The following MPDZ variants were observed in gnomAD, a reference collection of about 807,000 sequenced individuals.
The protein encoded by MPDZ is multiple PDZ domain protein.
A neutral mutation model predicts 239.1 loss-of-function variants in MPDZ; 234 were observed. The ratio of observed to expected loss-of-function variants is 0.98; its 90% CI spans 0.88 to 1.09. The LOEUF is 1.09. Ranked by LOEUF, MPDZ falls within the 50% of genes least tolerant of loss-of-function variation. The pLI is 0.00. For synonymous variants in MPDZ, 1,048 were observed against 881.3 expected (o/e 1.19, Z -3.35); for missense variants, 3,175 against 2,510.0 (o/e 1.26, Z -5.66).
Position 13,158,011 on chromosome 9 carries a change from T to G in MPDZ, c.3452+7A>C, listed in dbSNP as rs1009732052. ...TTGGGTGGACAGAAGACAGAAATAG[T>G]CCTTACCGCCTGGGCTGATTCCAAT... On this transcript the variant is annotated splice_region_variant and intron_variant, in intron 24 of 46. Transcript: ENST00000319217. 6.2e-7 allele frequency: 1 copy of G among 1,610,698 alleles called. No homozygotes were observed. The highest frequency in any genetic ancestry group is 8.5e-7 in the Non-Finnish European group (1 of 1,177,762).
In MPDZ at chr9:13,177,357, T is replaced by C. The variant is rs548332111; in HGVS notation, c.2650-940A>G. Among the ~76,000 whole-genome samples the C allele has an allele frequency of 7.2e-5, 11 of 152,284 alleles. No homozygotes were observed. The East Asian group carries it at 2.1e-3, about 29-fold the overall frequency. On this transcript the variant is annotated intron_variant, in intron 19 of 46. Transcript: ENST00000319217. ...AGAATACAATATGAAGAGTTTTCGCTATGGCTTCTACTTCCATTCGCTTCC... is the reference window on the plus strand; with the variant it reads ...AGAATACAATATGAAGAGTTTTCGCCATGGCTTCTACTTCCATTCGCTTCC...
intron 3 of MPDZ, among the ~76,000 whole-genome samples, chr9:13,246,494 A>G (rs1348091647): frequency 6.6e-6 from 1 of 152,236 alleles, no homozygotes; most frequent in Non-Finnish European, 1.5e-5. Context: ...TAAAGGAGAC[A>G]AACACAACTA....
intron 30 of MPDZ, 66 bp from the exon 31 acceptor site, chr9:13,136,248 AG>A: frequency 9.3e-7 from 1 of 1,073,170 alleles, no homozygotes; most frequent in Non-Finnish European, 1.4e-6. Flanking sequence ...TTACTTCAAG[AG>A]TCAGAAGGTT....
intron 1 of MPDZ, among the ~76,000 whole-genome samples, chr9:13,262,670 A>G (rs1225877920): frequency 6.6e-6 from 1 of 152,034 alleles, no homozygotes; most frequent in Non-Finnish European, 1.5e-5. Context: ...GAATGAGAAA[A>G]AAAGGAAAAA....
At chr9:13,143,124 T>G (rs1454843940) in intron 27 of MPDZ, among the ~76,000 whole-genome samples, 1 of 152,100 alleles carries the variant, frequency 6.6e-6, no homozygotes, top group Non-Finnish European at 1.5e-5. Flanking sequence ...CACATGGTTT[T>G]AAAGAAATTA....
chr9:13,107,708 T>C (rs944263250), intron 46 of MPDZ, among the ~76,000 whole-genome samples: 1 of 152,212 alleles, frequency 6.6e-6, no homozygotes, highest in Non-Finnish European at 1.5e-5. Context: ...AGAGAGATTC[T>C]TCATATTCCT....
intron 3 of MPDZ, among the ~76,000 whole-genome samples, chr9:13,242,492 C>G (rs1193345981): frequency 2.0e-5 from 3 of 151,632 alleles, no homozygotes; most frequent in Non-Finnish European, 4.4e-5. Context: ...GCCACTGCAT[C>G]CAGCCTGTTA....
intron 15 of MPDZ, 71 bp downstream of exon 15, chr9:13,192,060 T>C: frequency 7.7e-7 from 1 of 1,296,148 alleles, no homozygotes; most frequent in Non-Finnish European, 1.0e-6. Flanking sequence ...TGAAAAATGC[T>C]TAAAAAATTT....
intron 39 of MPDZ, among the ~76,000 whole-genome samples, chr9:13,117,842 G>C (rs952146536): frequency 6.8e-6 from 1 of 147,260 alleles, no homozygotes; most frequent in African/African-American, 2.5e-5. Context: ...TTTCAGATTA[G>C]CTTTTTTTTT....
At chr9:13,150,739 G>A in intron 24 of MPDZ, 51 bp from the exon 25 acceptor site, 1 of 1,191,240 alleles carries the variant, frequency 8.4e-7, no homozygotes, top group Non-Finnish European at 1.1e-6. Flanking sequence ...TAAGGGTAAA[G>A]CTTCATGATG....
At chr9:13,250,271 A>G (rs1271135236) in intron 2 of MPDZ, 29 bp downstream of exon 2, 10 of 1,586,168 alleles carry the variant, frequency 6.3e-6, no homozygotes, top group Non-Finnish European at 8.6e-6. Context: ...CAATTCTTAT[A>G]AAAGTAGGCA....
At chr9:13,165,937 C>T (rs932819029) in intron 22 of MPDZ, among the ~76,000 whole-genome samples, 1 of 151,956 alleles carries the variant, frequency 6.6e-6, no homozygotes, top group African/African-American at 2.4e-5. Context: ...CATGCATGAA[C>T]ACACACACAC....
chr9:13,225,072 A>G (rs1960112347), intron 3 of MPDZ, among the ~76,000 whole-genome samples: 1 of 152,106 alleles, frequency 6.6e-6, no homozygotes, highest in South Asian at 2.1e-4. Flanking sequence ...CCTATGAAAT[A>G]ACACGCCAAT....
intron 17 of MPDZ, 54 bp downstream of exon 17, chr9:13,188,730 A>G: frequency 6.6e-7 from 1 of 1,525,862 alleles, no homozygotes; most frequent in Non-Finnish European, 9.0e-7. Context: ...AAGTAGACCT[A>G]TGAACCATTT....
At chr9:13,240,580 T>TAAAAAA (rs71331533) in intron 3 of MPDZ, among the ~76,000 whole-genome samples, 20 of 44,012 alleles carry the variant, frequency 4.5e-4, no homozygotes, top group Admixed American at 7.0e-4. Flanking sequence ...ATAATAAAAG[T>TAAAAAA]AAAAAAAAAA....
At chr9:13,234,868 A>C (rs905850969) in intron 3 of MPDZ, among the ~76,000 whole-genome samples, 1 of 151,948 alleles carries the variant, frequency 6.6e-6, no homozygotes, top group Admixed American at 6.6e-5. Flanking sequence ...GGACAAAAAC[A>C]TGTGCTTTTT....
intron 1 of MPDZ, among the ~76,000 whole-genome samples, chr9:13,264,659 A>G (rs933694372): frequency 2.7e-5 from 4 of 150,702 alleles, no homozygotes; most frequent in African/African-American, 9.7e-5. Flanking sequence ...CATAATTTAA[A>G]AAAAAAAAAA....
rs748006858 is a variant in MPDZ, at chr9:13,143,539, T to G, written c.3767A>C (p.His1256Pro). 1 of 1,613,016 alleles carries G rather than the reference T, an allele frequency of 6.2e-7. No homozygotes were observed. The highest frequency in any genetic ancestry group is 2.2e-5 in the East Asian group (1 of 44,852). Reference sequence around the variant, plus strand: ...GAAGTTGTACTTAGGGTAAAGGTTGTGCAGCAAGGAAGGCAAAGGGGATTT... The same window carrying G: ...GAAGTTGTACTTAGGGTAAAGGTTGGGCAGCAAGGAAGGCAAAGGGGATTT... ...PRKSPLPSLL[H>P]NLYPKYNFSS... The change falls in exon 27 of 47, where the codon CAC becomes CCC. Residue 1256 changes from histidine to proline, a missense_variant. His to Pro is a moderately conservative substitution (Grantham distance 77). Transcript: ENST00000319217.
rs368257743 is a variant in MPDZ at position 13,110,659 on chromosome 9, C to T, written c.5806G>A (p.Ala1936Thr). Residue 1936 changes from alanine to threonine, a missense_variant, in exon 44 of 47, where the codon GCA (alanine) becomes ACA (threonine). Physicochemically the swap from Ala to Thr is moderately conservative, Grantham distance 58 (BLOSUM62 0). Coordinates refer to ENST00000319217, the MANE Select transcript of MPDZ (RefSeq NM_001378778.1). Reference sequence around the variant, plus strand: ...ACCTGCATTTCAATGGAGCCAGATGCATTTTTCAGTAGGTTAACTGCTTGG... The same window carrying T: ...ACCTGCATTTCAATGGAGCCAGATGTATTTTTCAGTAGGTTAACTGCTTGG... ...HTQAVNLLKN[A>T]SGSIEMQVVA... The T allele has an allele frequency of 9.3e-6, 15 of 1,613,636 alleles. No homozygotes were observed. The highest frequency in any genetic ancestry group is 1.6e-4 in the Middle Eastern group (1 of 6,062).
Sources: gnomAD v4.1 joint callset for allele counts (sites outside exome capture counted in the v4.1 genomes callset) on GRCh38, gnomAD v4.1.1 for gene constraint, MANE v1.5 for transcripts, NCBI Gene and HGNC (gene_info 2026-07-23, HGNC 2026-07-21) for gene names.